Variants in CNIH3 observed in about 807,000 individuals in gnomAD.
The protein encoded by CNIH3 is cornichon family AMPA receptor auxiliary protein 3, also known as protein cornichon homolog 3.
Under a neutral mutation model 24.1 loss-of-function variants are expected in CNIH3, and 14 were observed. The ratio of observed to expected loss-of-function variants is 0.58; its 90% CI spans 0.38 to 0.91. The LOEUF is 0.91. CNIH3 is among the 40% of genes least tolerant of loss of function. CNIH3 has a pLI of 0.00. For missense variants in CNIH3, 178 were observed against 196.8 expected (o/e 0.90, Z 0.57); for synonymous variants, 68 against 73.8 (o/e 0.92, Z 0.40).
At chr1:224,452,430 G>A (rs1675440829) in intron 1 of CNIH3, among the ~76,000 whole-genome samples, 1 of 151,970 alleles carries the variant, frequency 6.6e-6, no homozygotes, top group South Asian at 2.1e-4. Flanking sequence ...GATTATAGGT[G>A]TGAGCCACTG....
At chr1:224,452,593 A>C (rs1675455757) in intron 1 of CNIH3, among the ~76,000 whole-genome samples, 1 of 150,188 alleles carries the variant, frequency 6.7e-6, no homozygotes, top group Non-Finnish European at 1.5e-5. Flanking sequence ...CATCCTGGCT[A>C]ACACGGTGAA....
upstream of CNIH3, among the ~76,000 whole-genome samples, chr1:224,613,999 C>G (rs1037933566): frequency 1.2e-4 from 18 of 152,012 alleles, no homozygotes; most frequent in Admixed American, 9.8e-4. Flanking sequence ...TCACCTTAGC[C>G]CTGCAAGAAG....
At chr1:224,502,743 G>T (rs1190646611) in intron 1 of CNIH3, among the ~76,000 whole-genome samples, 1 of 152,156 alleles carries the variant, frequency 6.6e-6, no homozygotes, top group Non-Finnish European at 1.5e-5. Flanking sequence ...TTCACCGCTG[G>T]GTGTTTTCAG....
intron 4 of CNIH3, chr1:224,575,349 G>C (rs1680990806): frequency 9.5e-7 from 1 of 1,049,680 alleles, no homozygotes; most frequent in Non-Finnish European, 1.5e-6. Flanking sequence ...TTGGTGAGCT[G>C]TGCCTCCCAC....
chr1:224,603,836 A>G (rs966059958), intron 3 of CNIH3, among the ~76,000 whole-genome samples: 1 of 152,234 alleles, frequency 6.6e-6, no homozygotes, highest in African/African-American at 2.4e-5. Flanking sequence ...TACTCTGTAC[A>G]ATCAGAAGAT....
At chr1:224,649,754 A>C (rs1684779464) in intron 1 of CNIH3, among the ~76,000 whole-genome samples, 1 of 152,212 alleles carries the variant, frequency 6.6e-6, no homozygotes, top group South Asian at 2.1e-4. Context: ...CGGTCCACCA[A>C]ATGCAGGGTC....
In CNIH3 at chr1:224,463,773, A is replaced by ATTTTTTTTTTT. The variant is rs56137320; in HGVS notation, n.203+28937_203+28947dup. 6.8e-4 allele frequency among the ~76,000 whole-genome samples: 14 copies of ATTTTTTTTTTT among 20,730 alleles called. 3 individuals carry two copies. The highest frequency in any genetic ancestry group is 2.6e-3 in the African/African-American group (10 of 3,912). The allele number at this position is 20,730 out of a possible 152,430, so 13.6% of individuals were successfully genotyped here. A position where few individuals can be genotyped will look rare whatever the true frequency, so the allele number is the denominator to read the frequency against. Reference sequence around the variant, plus strand: ...TTCTCCCAGCTTATGAATTGTCCTCATTTTTTTTTTTTTTTTTTTTTTTTT... The same window carrying ATTTTTTTTTTT: ...TTCTCCCAGCTTATGAATTGTCCTCATTTTTTTTTTTTTTTTTTTTTTTTTTTTTTTTTTTT... On this transcript the variant is annotated intron_variant and non_coding_transcript_variant, in intron 1 of 5. Coordinates refer to the CNIH3 transcript ENST00000471578.
intron 4 of CNIH3, among the ~76,000 whole-genome samples, chr1:224,581,093 T>G (rs1681257047): frequency 6.6e-6 from 1 of 152,192 alleles, no homozygotes; most frequent in Non-Finnish European, 1.5e-5. Context: ...TTTTCTTTGT[T>G]TTTTTGTAAC....
At chr1:224,509,734 G>C (rs1219101343) in intron 1 of CNIH3, among the ~76,000 whole-genome samples, 1 of 152,224 alleles carries the variant, frequency 6.6e-6, no homozygotes, top group Non-Finnish European at 1.5e-5. Flanking sequence ...CCAGGCTGGT[G>C]ACGATGAGAC....
chr1:224,528,296 A>G (rs1460608964), intron 2 of CNIH3, among the ~76,000 whole-genome samples: 1 of 152,082 alleles, frequency 6.6e-6, no homozygotes, highest in Non-Finnish European at 1.5e-5. Context: ...CAAAATGCCT[A>G]TTTTTTGAAA....
chr1:224,527,595 A>G (rs183762965), intron 2 of CNIH3, among the ~76,000 whole-genome samples: 130 of 152,322 alleles, frequency 8.5e-4, no homozygotes, highest in Non-Finnish European at 1.6e-4. Context: ...CTAAAACCCT[A>G]CGATGGAATC....
intron 1 of CNIH3, among the ~76,000 whole-genome samples, chr1:224,469,669 G>A (rs1676289422): frequency 6.6e-6 from 1 of 152,014 alleles, no homozygotes; most frequent in South Asian, 2.1e-4. Context: ...CATCATTCCT[G>A]GCTAATTCTT....
At chr1:224,594,807 A>G (rs1404291216) in intron 3 of CNIH3, among the ~76,000 whole-genome samples, 2 of 152,248 alleles carry the variant, frequency 1.3e-5, no homozygotes, top group African/African-American at 4.8e-5. Context: ...AAGAGATGTG[A>G]CTAGATAGGC....
chr1:224,734,120 T>G (rs2125246422), intron 4 of CNIH3, among the ~76,000 whole-genome samples: 1 of 152,326 alleles, frequency 6.6e-6, no homozygotes, highest in Non-Finnish European at 1.5e-5. Flanking sequence ...TGCTCTGCGC[T>G]CAAGTGAGAA....
At chr1:224,487,709 G>A (rs777981194) in intron 1 of CNIH3, among the ~76,000 whole-genome samples, 4 of 152,156 alleles carry the variant, frequency 2.6e-5, no homozygotes, top group Non-Finnish European at 4.4e-5. Flanking sequence ...TATTTGAAGC[G>A]GTTCTGGAAG....
Position 224,684,008 on chromosome 1 carries a change from G to A in CNIH3, c.151-788G>A, listed in dbSNP as rs1686526924. Among the ~76,000 whole-genome samples, 1 of 152,216 alleles carries A rather than the reference G, an allele frequency of 6.6e-6. No individual in the cohort carries two copies. Among genetic ancestry groups the A allele is most frequent in the South Asian group, 2.1e-4 (1 of 4,836 alleles). ...GTGTCCCAGCCACCTGTCCTTTCCAGAGCCATGAGGAATCTCATTACCATT... is the reference window on the plus strand; with the variant it reads ...GTGTCCCAGCCACCTGTCCTTTCCAAAGCCATGAGGAATCTCATTACCATT... On this transcript the variant is annotated intron_variant, in intron 2 of 5. Coordinates refer to ENST00000272133, the MANE Select transcript of CNIH3 (RefSeq NM_152495.2). The surrounding 1 kb of genome is among the most constrained non-coding windows in gnomAD (Gnocchi z 4.2).
At chr1:224,731,454 A>C in intron 4 of CNIH3, among the ~76,000 whole-genome samples, 1 of 152,182 alleles carries the variant, frequency 6.6e-6, no homozygotes, top group East Asian at 1.9e-4. Flanking sequence ...ATAGTAGAGA[A>C]GGTATTTGCG....
intron 1 of CNIH3, among the ~76,000 whole-genome samples, chr1:224,517,601 A>G (rs758030120): frequency 6.6e-6 from 1 of 152,056 alleles, no homozygotes; most frequent in Non-Finnish European, 1.5e-5. Flanking sequence ...CACTGTACCC[A>G]GTGTGTAGTC....
At chr1:224,671,069 A>G (rs1272045398) in intron 1 of CNIH3, among the ~76,000 whole-genome samples, 1 of 152,212 alleles carries the variant, frequency 6.6e-6, no homozygotes, top group African/African-American at 2.4e-5. Flanking sequence ...GACTTGAACC[A>G]TGGCACTGGC....
Sources: allele counts gnomAD v4.1 joint callset (sites outside exome capture counted in the v4.1 genomes callset), GRCh38; gene constraint gnomAD v4.1.1; non-coding constraint Gnocchi (gnomAD v3.1); transcripts MANE v1.5; gene names NCBI Gene and HGNC (gene_info 2026-07-23, HGNC 2026-07-21).